Variants in RNF213 observed in about 807,000 individuals in gnomAD.
RNF213 encodes ring finger protein 213.
Under a neutral mutation model 514.4 loss-of-function variants are expected in RNF213, and 341 were observed. The ratio of observed to expected loss-of-function variants is 0.66; its 90% CI spans 0.61 to 0.73. RNF213 has a LOEUF of 0.73. RNF213 is among the 30% of genes least tolerant of loss of function. The pLI is 0.00. For synonymous variants in RNF213, 2,655 were observed against 2,658.2 expected (o/e 1.00, Z 0.04); for missense variants, 5,767 against 6,615.6 (o/e 0.87, Z 4.45).
At chr17:80,275,264 A>T (rs1240466644) in intron 3 of RNF213, among the ~76,000 whole-genome samples, 1 of 151,428 alleles carries the variant, frequency 6.6e-6, no homozygotes, top group Non-Finnish European at 1.5e-5. Context: ...AGCCAAGGCC[A>T]CCCCCAAGCC....
intron 11 of RNF213, among the ~76,000 whole-genome samples, chr17:80,305,328 G>A (rs772858082): frequency 5.4e-5 from 8 of 149,356 alleles, no homozygotes; most frequent in Non-Finnish European, 9.0e-5. Context: ...ACAGGTGTGC[G>A]CCACCACGCC....
chr17:80,263,538 G>T lies in RNF213; in HGVS notation c.-108-36G>T. On this transcript the variant is annotated intron_variant, in intron 1 of 67. Transcript: ENST00000582970. The surrounding 1 kb of genome is among the most constrained non-coding windows in gnomAD (Gnocchi z 4.9). ...CTCCTGTTGGGTTTCCATTAACCAGGGGACCAGCTGGGCTGCTGTGATTTC... is the reference window on the plus strand; with the variant it reads ...CTCCTGTTGGGTTTCCATTAACCAGTGGACCAGCTGGGCTGCTGTGATTTC... 1.4e-6 allele frequency: 1 copy of T among 734,782 alleles called. No individual in the cohort carries two copies. The highest frequency in any genetic ancestry group is 2.7e-5 in the East Asian group (1 of 37,358). 45.5% of individuals were successfully genotyped at this position (734,782 alleles called of 1,614,324 possible). A position where few individuals can be genotyped will look rare whatever the true frequency, so the allele number is the denominator to read the frequency against.
At position 80,383,705 on chromosome 17, in the gene RNF213, A is replaced by C; in HGVS notation, c.14099A>C (p.Asn4700Thr). 1 of 1,613,976 alleles carries C rather than the reference A, an allele frequency of 6.2e-7. No homozygotes were observed. Among genetic ancestry groups the C allele is most frequent in the Non-Finnish European group, 8.5e-7 (1 of 1,179,972 alleles). The change falls in exon 59 of 68, where the codon AAT (asparagine) becomes ACT (threonine). Residue 4700 changes from asparagine to threonine, a missense_variant. Coordinates refer to ENST00000582970, the MANE Select transcript of RNF213 (RefSeq NM_001256071.3). ...EHLDKTLPTM[N>T]NLISQDKRIS... ...CTAGATAAAACCCTTCCCACCATGA[A>C]TAATCTCATCAGCCAAGATAAGCGT...
At chr17:80,371,364 C>G (rs1351176371) in intron 46 of RNF213, among the ~76,000 whole-genome samples, 1 of 152,266 alleles carries the variant, frequency 6.6e-6, no homozygotes, top group Non-Finnish European at 1.5e-5. Flanking sequence ...CTCCCATATG[C>G]TGCAGCGATG....
At chr17:80,337,262 G>A (rs760322219) in intron 23 of RNF213, among the ~76,000 whole-genome samples, 2 of 152,228 alleles carry the variant, frequency 1.3e-5, no homozygotes, top group African/African-American at 2.4e-5. Context: ...GATGGCGTCT[G>A]GTAGAGAGGC....
At chr17:80,374,640 C>G in intron 50 of RNF213, 51 bp downstream of exon 50, 5 of 1,602,060 alleles carry the variant, frequency 3.1e-6, no homozygotes, top group Non-Finnish European at 4.3e-6. Flanking sequence ...TCCCTTGGAG[C>G]CTGCATGTTC....
intron 7 of RNF213, among the ~76,000 whole-genome samples, chr17:80,290,948 A>G (rs2044701878): frequency 6.6e-6 from 1 of 151,950 alleles, no homozygotes; most frequent in Admixed American, 6.6e-5. Context: ...AGCTGGGACT[A>G]CAGGTGTGTA....
chr17:80,381,577 A>G lies in RNF213; in HGVS notation c.13828A>G (p.Arg4610Gly), dbSNP rs1364016656. Residue 4610 changes from arginine to glycine, a missense_variant, in exon 57 of 68, where the codon AGG becomes GGG. Coordinates refer to ENST00000582970, the MANE Select transcript of RNF213 (RefSeq NM_001256071.3). ...GATAAACATCATTAAGCCTCCAGTG[A>G]GGGATCCAAAAGGCTTTCTGCAGCA... ...ALINIIKPPV[R>G]DPKGFLQQHI... 1 of 1,614,210 alleles carries G rather than the reference A, an allele frequency of 6.2e-7. No individual in the cohort carries two copies. Among genetic ancestry groups the G allele is most frequent in the East Asian group, 2.2e-5 (1 of 44,886 alleles).
rs2080575215 is a variant in RNF213, at chr17:80,393,712, TCTC to T, written c.*215_*217del. The T allele has an allele frequency of 1.8e-6, 1 of 547,594 alleles. No homozygotes were observed. Among genetic ancestry groups the T allele is most frequent in the Non-Finnish European group, 3.3e-6 (1 of 303,664 alleles). 33.9% of individuals were successfully genotyped at this position (547,594 alleles called of 1,614,324 possible). A position where few individuals can be genotyped will look rare whatever the true frequency, so the allele number is the denominator to read the frequency against. On this transcript the variant is annotated 3_prime_UTR_variant, in exon 68 of 68. Transcript: ENST00000582970. ...CATGTACATACATGTTCTGAAACTT[TCTC>T]ATCATTTTATGAGTACTGTTCATTG...
intron 2 of RNF213, among the ~76,000 whole-genome samples, chr17:80,269,441 TATCC>T (rs1410135685): frequency 6.8e-6 from 1 of 147,012 alleles, no homozygotes; most frequent in South Asian, 2.2e-4. Context: ...CTATTCTATC[TATCC>T]ATCCATCTAT....
At chr17:80,267,824 C>CTTT (rs71163943) in intron 2 of RNF213, among the ~76,000 whole-genome samples, 4,323 of 144,952 alleles carry the variant, frequency 0.03, 232 homozygotes, top group African/African-American at 0.1. Context: ...ATTTTCTTTT[C>CTTT]TTTTTTTTTT....
At chr17:80,271,163 A>G (rs889801631) in intron 2 of RNF213, among the ~76,000 whole-genome samples, 9 of 152,140 alleles carry the variant, frequency 5.9e-5, no homozygotes, top group Admixed American at 3.3e-4. Flanking sequence ...CCCTGGTTGT[A>G]GGTGAAACAG....
chr17:80,297,895 T>G (rs1032801130), intron 10 of RNF213, among the ~76,000 whole-genome samples: 1 of 152,080 alleles, frequency 6.6e-6, no homozygotes, highest in Admixed American at 6.5e-5. Flanking sequence ...AGTTCGAGGT[T>G]ATAATGATCG....
chr17:80,280,407 CTAAT>C (rs2044217270), intron 3 of RNF213, among the ~76,000 whole-genome samples: 1 of 152,186 alleles, frequency 6.6e-6, no homozygotes, highest in Non-Finnish European at 1.5e-5. Context: ...ACTTAACCAA[CTAAT>C]TAATGTATAA....
intron 13 of RNF213, among the ~76,000 whole-genome samples, chr17:80,308,650 A>G (rs1232217594): frequency 1.3e-5 from 2 of 152,106 alleles, no homozygotes; most frequent in East Asian, 3.9e-4. Context: ...CTCTTCTACT[A>G]TTTCTTTCTC....
At chr17:80,318,804 A>G (rs1419301560) in intron 16 of RNF213, among the ~76,000 whole-genome samples, 2 of 151,652 alleles carry the variant, frequency 1.3e-5, no homozygotes, top group Non-Finnish European at 2.9e-5. Flanking sequence ...CGATCTCCTG[A>G]CCTCGTGATC....
In RNF213 at chr17:80,358,274, CTT is replaced by C; in HGVS notation, c.10863-13_10863-12del. The C allele has an allele frequency of 6.2e-7, 1 of 1,613,522 alleles. No individual in the cohort carries two copies. The highest frequency in any genetic ancestry group is 1.1e-5 in the South Asian group (1 of 91,068). On this transcript the variant is annotated splice_polypyrimidine_tract_variant and intron_variant, in intron 36 of 67. Coordinates refer to ENST00000582970, the MANE Select transcript of RNF213 (RefSeq NM_001256071.3). ...CTCTGACCCGTGGTGGCCCATCTCTCTTCTGTGCTGCAGGCACACCCTCTGGA... is the reference window on the plus strand; with the variant it reads ...CTCTGACCCGTGGTGGCCCATCTCTCCTGTGCTGCAGGCACACCCTCTGGA...
At chr17:80,298,242 T>C in intron 10 of RNF213, 79 bp from the exon 11 acceptor site, 1 of 1,464,834 alleles carries the variant, frequency 6.8e-7, no homozygotes, top group South Asian at 1.2e-5. Flanking sequence ...GGTGCTTGCT[T>C]CCTGTTGGGA....
intron 8 of RNF213, among the ~76,000 whole-genome samples, chr17:80,293,121 G>A (rs1266984290): frequency 3.3e-5 from 5 of 151,958 alleles, no homozygotes; most frequent in African/African-American, 7.3e-5. Context: ...GCAGTGGCAC[G>A]ATCTCGGCTC....
Sources: gnomAD v4.1 joint callset for allele counts (sites outside exome capture counted in the v4.1 genomes callset) on GRCh38, gnomAD v4.1.1 for gene constraint, Gnocchi (gnomAD v3.1) non-coding constraint, MANE v1.5 for transcripts, NCBI Gene and HGNC (gene_info 2026-07-23, HGNC 2026-07-21) for gene names.